The following HNF4G variants were observed in gnomAD, a reference collection of about 807,000 sequenced individuals.
HNF4G encodes the protein hepatocyte nuclear factor 4 gamma.
A neutral mutation model predicts 50.9 loss-of-function variants in HNF4G; 21 were observed. The observed-to-expected ratio is 0.41, with a 90% CI of 0.29 to 0.59. HNF4G has a LOEUF of 0.59. HNF4G is among the 20% of genes least tolerant of loss of function. The probability of loss-of-function intolerance (pLI) is 0.26; values close to 1 mark genes in which losing one functional copy is unlikely to be tolerated. For synonymous variants in HNF4G, 198 were observed against 185.6 expected (o/e 1.07, Z -0.54); for missense variants, 527 against 559.4 (o/e 0.94, Z 0.58).
chr8:75,477,232 A>T (rs1812261290), intron 1 of HNF4G, among the ~76,000 whole-genome samples: 1 of 152,228 alleles, frequency 6.6e-6, no homozygotes, highest in Admixed American at 6.5e-5. Flanking sequence ...TGATATATGT[A>T]TATGTTCCCC....
chr8:75,539,839 C>T, upstream of HNF4G: 1 of 604,796 alleles, frequency 1.7e-6, no homozygotes, highest in East Asian at 2.9e-5. Flanking sequence ...CCCATTGCAG[C>T]TCTTAAGTCA....
intron 2 of HNF4G, among the ~76,000 whole-genome samples, chr8:75,533,883 A>G (rs920256476): frequency 6.6e-6 from 1 of 151,806 alleles, no homozygotes; most frequent in Non-Finnish European, 1.5e-5. Flanking sequence ...CTATTATTGT[A>G]TTTTATATGG....
At position 75,504,002 on chromosome 8, in the gene HNF4G, A is replaced by G. The variant is rs568164153; in HGVS notation, c.-24+13794A>G. Among the ~76,000 whole-genome samples, 10 of 152,242 alleles carry G rather than the reference A, an allele frequency of 6.6e-5. No homozygotes were observed. The South Asian group carries it at 2.1e-3, about 32-fold the overall frequency. Reference sequence around the variant, plus strand: ...ATTGGGAGGCCGAGGCAGGTGGATCATTTGAGGTCAGGAGTTCCAGACCAG... The same window carrying G: ...ATTGGGAGGCCGAGGCAGGTGGATCGTTTGAGGTCAGGAGTTCCAGACCAG... On this transcript the variant is annotated intron_variant, in intron 2 of 10. Transcript: ENST00000354370.
rs189697836 is a variant in HNF4G, at chr8:75,475,278, G to A, written c.-143-14811G>A. ...CCGCCTGGGCCTCCCAAAGTGTTGG[G>A]ATCACAGGCGTGAGCCACTGTGCCT... On this transcript the variant is annotated intron_variant, in intron 1 of 10. Coordinates refer to the HNF4G transcript ENST00000354370. Among the ~76,000 whole-genome samples the A allele has an allele frequency of 8.2e-4, 125 of 152,250 alleles. No individual in the cohort carries two copies. The Middle Eastern group carries it at 0.014, about 17-fold the overall frequency.
At chr8:75,554,578 C>G (rs968744488) in intron 5 of HNF4G, among the ~76,000 whole-genome samples, 2 of 151,848 alleles carry the variant, frequency 1.3e-5, no homozygotes. Flanking sequence ...AAAACTGAAC[C>G]CTAGATCAGT....
intron 1 of HNF4G, among the ~76,000 whole-genome samples, chr8:75,470,290 G>A (rs4568599): frequency 0.05 from 7,601 of 152,244 alleles, 273 homozygotes; most frequent in African/African-American, 0.091. Context: ...ATAAAAATCA[G>A]AGGACATATA....
At chr8:75,558,713 T>C (rs1251748139) in intron 7 of HNF4G, 43 bp downstream of exon 7, 2 of 1,586,662 alleles carry the variant, frequency 1.3e-6, no homozygotes, top group Non-Finnish European at 1.7e-6. Context: ...ATAATAAAAA[T>C]TGAACTACTT....
intron 2 of HNF4G, among the ~76,000 whole-genome samples, chr8:75,514,969 A>C (rs1422010773): frequency 6.6e-6 from 1 of 152,112 alleles, no homozygotes; most frequent in African/African-American, 2.4e-5. Context: ...AAATTAATAA[A>C]TATACTTGTT....
intron 1 of HNF4G, among the ~76,000 whole-genome samples, chr8:75,452,660 A>C (rs997492096): frequency 4.0e-5 from 6 of 149,148 alleles, no homozygotes; most frequent in East Asian, 2.0e-4. Context: ...CGGAGCTTGC[A>C]GTGAGACGAG....
intron 2 of HNF4G, among the ~76,000 whole-genome samples, chr8:75,505,950 A>C (rs1007983936): frequency 6.6e-6 from 1 of 152,054 alleles, no homozygotes; most frequent in Non-Finnish European, 1.5e-5. Context: ...TAGAAATGAC[A>C]TCTCTAGAGT....
At chr8:75,473,689 G>A (rs1812174927) in intron 1 of HNF4G, among the ~76,000 whole-genome samples, 1 of 152,178 alleles carries the variant, frequency 6.6e-6, no homozygotes. Context: ...CTACATGTTA[G>A]GAAGATTAGA....
chr8:75,434,313 T>C (rs536048672), intron 1 of HNF4G, among the ~76,000 whole-genome samples: 5 of 152,270 alleles, frequency 3.3e-5, no homozygotes, highest in Admixed American at 1.3e-4. Context: ...AAATAACTTA[T>C]GTTTCCAAGA....
At chr8:75,442,886 A>G (rs1811320308) in intron 1 of HNF4G, among the ~76,000 whole-genome samples, 1 of 152,160 alleles carries the variant, frequency 6.6e-6, no homozygotes, top group Admixed American at 6.5e-5. Flanking sequence ...TGATCAGATG[A>G]CCATGACTGG....
chr8:75,559,273 G>T (rs63306964), intron 8 of HNF4G, among the ~76,000 whole-genome samples: 448 of 28,974 alleles, frequency 0.015, no homozygotes, highest in African/African-American at 0.045. Context: ...CGTTTTTTTT[G>T]TTTGTTTTTT....
chr8:75,483,795 A>C (rs1812437295), intron 1 of HNF4G, among the ~76,000 whole-genome samples: 1 of 152,174 alleles, frequency 6.6e-6, no homozygotes. Context: ...AATAACACTT[A>C]TTAAGGATTA....
intron 1 of HNF4G, among the ~76,000 whole-genome samples, chr8:75,414,463 C>T (rs1394381591): frequency 6.6e-6 from 1 of 152,098 alleles, no homozygotes; most frequent in African/African-American, 2.4e-5. Flanking sequence ...CCCATGAAAT[C>T]ACCACAGTAA....
At chr8:75,410,924 G>A (rs540918770) in intron 1 of HNF4G, among the ~76,000 whole-genome samples, 3 of 152,122 alleles carry the variant, frequency 2.0e-5, no homozygotes, top group Admixed American at 1.3e-4. Flanking sequence ...GAATACGCAC[G>A]CACACACACA....
intron 1 of HNF4G, among the ~76,000 whole-genome samples, chr8:75,452,678 C>CA (rs200368733): frequency 0.17 from 24,994 of 151,310 alleles, 2,438 homozygotes; most frequent in African/African-American, 0.27. Context: ...GAGATCGTGC[C>CA]ACTGCACTCC....
intron 1 of HNF4G, among the ~76,000 whole-genome samples, chr8:75,456,935 A>G (rs1811738085): frequency 2.0e-5 from 3 of 152,004 alleles, no homozygotes; most frequent in Admixed American, 2.0e-4. Flanking sequence ...TGTAGAGATG[A>G]GGTCTCACTA....
Sources: gnomAD v4.1 joint callset for allele counts (sites outside exome capture counted in the v4.1 genomes callset) on GRCh38, gnomAD v4.1.1 for gene constraint, MANE v1.5 for transcripts, NCBI Gene and HGNC (gene_info 2026-07-23, HGNC 2026-07-21) for gene names.